Variants in SRP19 observed in about 807,000 individuals in gnomAD.
The protein encoded by SRP19 is signal recognition particle 19 kDa protein.
A neutral mutation model predicts 22.4 loss-of-function variants in SRP19; 11 were observed. The observed-to-expected ratio is 0.49, with a 90% CI of 0.31 to 0.81. The LOEUF (loss-of-function observed/expected upper bound fraction) is 0.81. SRP19 is among the 40% of genes least tolerant of loss of function. The pLI is 0.05. For synonymous variants in SRP19, 61 were observed against 57.6 expected (o/e 1.06, Z -0.27); for missense variants, 168 against 175.9 (o/e 0.96, Z 0.25).
downstream of SRP19, among the ~76,000 whole-genome samples, chr5:112,872,269 T>C (rs1767775975): frequency 6.6e-6 from 1 of 151,792 alleles, no homozygotes; most frequent in Non-Finnish European, 1.5e-5. Flanking sequence ...AAATGCAGTA[T>C]CTCTGGCCCC....
At position 112,867,697 on chromosome 5, in the gene SRP19, A is replaced by C. The variant is rs991879430; in HGVS notation, c.*160A>C. 39 of 1,351,720 alleles carry C rather than the reference A, an allele frequency of 2.9e-5. No individual in the cohort carries two copies. The highest frequency in any genetic ancestry group is 3.6e-5 in the Non-Finnish European group (38 of 1,048,756). 83.7% of individuals were successfully genotyped at this position (1,351,720 alleles called of 1,614,324 possible). On this transcript the variant is annotated 3_prime_UTR_variant, in exon 5 of 5. Coordinates refer to ENST00000505459, the MANE Select transcript of SRP19 (RefSeq NM_003135.3). ...TATCATCGGAGTTGACAGTGAAACA[A>C]ATTTACATCAGAAGTTTGCATCTCG... is the stretch of plus-strand genomic sequence containing the variant.
Position 112,868,727 on chromosome 5 carries a change from A to C in SRP19, c.*1190A>C, listed in dbSNP as rs957220228. 1.3e-5 allele frequency: 2 copies of C among 151,992 alleles called. No homozygotes were observed. Among genetic ancestry groups the C allele is most frequent in the Non-Finnish European group, 2.9e-5 (2 of 68,040 alleles). The allele number at this position is 151,992 out of a possible 1,614,324, so 9.4% of individuals were successfully genotyped here. On this transcript the variant is annotated 3_prime_UTR_variant, in exon 5 of 5. Coordinates refer to ENST00000505459, the MANE Select transcript of SRP19 (RefSeq NM_003135.3). ...CTTTACATTTTTATTGCTCACAGTCAAACATTCCTATTGATTGTAAAATAA... is the reference window on the plus strand; with the variant it reads ...CTTTACATTTTTATTGCTCACAGTCCAACATTCCTATTGATTGTAAAATAA...
intron 4 of SRP19, among the ~76,000 whole-genome samples, chr5:112,875,433 G>A (rs1043843112): frequency 6.6e-6 from 1 of 150,920 alleles, no homozygotes; most frequent in African/African-American, 2.4e-5. Context: ...CACTGGCACC[G>A]TCTTGGCTCA....
At chr5:112,878,998 C>G (rs1767983187) in intron 4 of SRP19, among the ~76,000 whole-genome samples, 1 of 151,786 alleles carries the variant, frequency 6.6e-6, no homozygotes, top group South Asian at 2.1e-4. Context: ...AAGAGGGTTT[C>G]CAGGAAATGG....
chr5:112,865,911 A>T (rs761518119), intron 4 of SRP19, among the ~76,000 whole-genome samples: 18 of 152,084 alleles, frequency 1.2e-4, no homozygotes, highest in Non-Finnish European at 2.2e-4. Context: ...TAAAATAGAG[A>T]GACAAGGGTC....
Position 112,864,460 on chromosome 5 carries a change from G to T in SRP19, c.121G>T (p.Val41Phe). The T allele has an allele frequency of 6.2e-7, 1 of 1,613,210 alleles. No individual in the cohort carries two copies. Among genetic ancestry groups the T allele is most frequent in the East Asian group, 2.2e-5 (1 of 44,866 alleles). ...EGRRIPISKA[V>F]ENPTATEIQD... is the part of the protein sequence containing the mutation. ...GTTTATGTTTTTAACTGTTCAGGCT[G>T]TTGAAAATCCTACAGCTACAGAGAT... The change falls in exon 3 of 5, where the codon GTT becomes TTT. Residue 41 changes from valine (V) to phenylalanine (F), a missense_variant. By Grantham distance (50) the Val-to-Phe change is conservative. Transcript: ENST00000505459.
intron 4 of SRP19, chr5:112,877,167 C>G (rs979384383): frequency 6.6e-6 from 1 of 152,096 alleles, no homozygotes; most frequent in Non-Finnish European, 1.5e-5. Context: ...GTTTTCCTCC[C>G]CAAAATAAAT....
At chr5:112,876,277 TAA>T (rs1580722731) in intron 4 of SRP19, 1 of 152,198 alleles carries the variant, frequency 6.6e-6, no homozygotes, top group East Asian at 1.9e-4. Flanking sequence ...GGAATAGAGT[TAA>T]TAAAGAGCAG....
At chr5:112,862,249 G>C in intron 1 of SRP19, 1 of 538,474 alleles carries the variant, frequency 1.9e-6, no homozygotes, top group South Asian at 2.1e-5. Flanking sequence ...CCATTGACCT[G>C]TGCCAGTCTG....
chr5:112,868,027 T>C lies in SRP19; in HGVS notation c.*490T>C, dbSNP rs74570958. ...CTAGAAGAAACTGTGGTAGGTCCTT[T>C]TGTGGGTGGGGGACAGGGGAGTCTG... On this transcript the variant is annotated 3_prime_UTR_variant, in exon 5 of 5. Transcript: ENST00000505459. The C allele has an allele frequency of 4.6e-3, 4,492 of 985,998 alleles. 149 individuals carry two copies. The African/African-American group carries it at 0.072, about 16-fold the overall frequency. 61.1% of individuals were successfully genotyped at this position (985,998 alleles called of 1,614,324 possible).
At chr5:112,873,287 T>G (rs1350629802), downstream of SRP19, among the ~76,000 whole-genome samples, 1 of 146,208 alleles carries the variant, frequency 6.8e-6, no homozygotes, top group African/African-American at 2.5e-5. Context: ...TTTTTTTTTT[T>G]TTTTCTTTTT....
intron 4 of SRP19, among the ~76,000 whole-genome samples, chr5:112,888,594 T>TTTA (rs35272772): frequency 0.38 from 54,697 of 144,874 alleles, 11,172 homozygotes; most frequent in African/African-American, 0.51. Context: ...TGGCTAATTT[T>TTTA]TTATAACTTT....
chr5:112,887,187 C>T (rs377043779), intron 4 of SRP19: 2 of 1,577,630 alleles, frequency 1.3e-6, no homozygotes, highest in African/African-American at 2.7e-5. Context: ...AGCCACACTG[C>T]ACAGAAAAAG....
chr5:112,862,481 T>TA, intron 1 of SRP19, 27 bp from the exon 2 acceptor site: 1 of 1,605,028 alleles, frequency 6.2e-7, no homozygotes, highest in Non-Finnish European at 8.5e-7. Flanking sequence ...GCTCTAGTGA[T>TA]ACCACTTATG....
intron 4 of SRP19, chr5:112,865,318 C>T (rs2150026329): frequency 6.6e-6 from 1 of 152,240 alleles, no homozygotes; most frequent in East Asian, 1.9e-4. Flanking sequence ...AGAGTAGAGA[C>T]ACGGGTTGAT....
rs1245515199 is a variant in SRP19, at chr5:112,861,430, G to A, written c.41+13G>A. On this transcript the variant is annotated intron_variant, in intron 1 of 4. Transcript: ENST00000505459. ...CCGACCAGGACAGGTGGGTTCTGAG[G>A]CGGTGGGTCCTCCGAAAGGAAGGGG... 1 of 1,611,600 alleles carries A rather than the reference G, an allele frequency of 6.2e-7. No individual in the cohort carries two copies. Among genetic ancestry groups the A allele is most frequent in the Non-Finnish European group, 8.5e-7 (1 of 1,178,742 alleles).
chr5:112,891,942 T>TA (rs1164890679), exon 5 of SRP19: 7 of 1,254,904 alleles, frequency 5.6e-6, no homozygotes, highest in Non-Finnish European at 7.0e-6. Flanking sequence ...AAGAGGCGGC[T>TA]AAAAAATGGC....
chr5:112,884,001 A>G (rs1441180651), intron 4 of SRP19, among the ~76,000 whole-genome samples: 1 of 152,176 alleles, frequency 6.6e-6, no homozygotes, highest in African/African-American at 2.4e-5. Context: ...ACTGCTACAC[A>G]AGGAACCAAG....
intron 4 of SRP19, among the ~76,000 whole-genome samples, chr5:112,891,185 G>C (rs758331976): frequency 7.0e-6 from 1 of 141,982 alleles, no homozygotes; most frequent in African/African-American, 2.9e-5. Context: ...CAGTTCTCCT[G>C]CCTCAGCCTC....
Sources: gnomAD v4.1 joint callset for allele counts (sites outside exome capture counted in the v4.1 genomes callset) on GRCh38, gnomAD v4.1.1 for gene constraint, MANE v1.5 for transcripts, NCBI Gene and HGNC (gene_info 2026-07-23, HGNC 2026-07-21) for gene names.